The following MPC1 variants were observed in gnomAD, a reference collection of about 807,000 sequenced individuals.
MPC1 encodes the protein HSPC040 protein.
Under a neutral mutation model 13.9 loss-of-function variants are expected in MPC1, and 6 were observed. That is an observed-to-expected ratio of 0.43 (90% CI 0.24 to 0.85). The LOEUF (loss-of-function observed/expected upper bound fraction) is 0.85. Ranked by LOEUF, MPC1 falls within the 40% of genes least tolerant of loss-of-function variation. MPC1 has a pLI of 0.24. For missense variants in MPC1, 115 were observed against 143.3 expected, an observed-to-expected ratio of 0.80 and a Z score of 1.01; for synonymous variants, 47 against 50.5, an observed-to-expected ratio of 0.93 and a Z score of 0.29.
At chr6:166,374,080 G>T (rs540349502) in intron 1 of MPC1, among the ~76,000 whole-genome samples, 1 of 151,852 alleles carries the variant, frequency 6.6e-6, no homozygotes, top group Non-Finnish European at 1.5e-5. Context: ...TCTGCCTCCC[G>T]GGTTCAAGTG....
At chr6:166,380,469 T>C (rs1356169916) in intron 1 of MPC1, among the ~76,000 whole-genome samples, 1 of 152,158 alleles carries the variant, frequency 6.6e-6, no homozygotes, top group African/African-American at 2.4e-5. Flanking sequence ...CTGGAGAAAG[T>C]ATAAAAATTT....
intron 2 of MPC1, among the ~76,000 whole-genome samples, chr6:166,368,253 A>C (rs1297760881): frequency 1.3e-5 from 2 of 152,172 alleles, no homozygotes; most frequent in Non-Finnish European, 2.9e-5. Flanking sequence ...TGGAGGAAAT[A>C]TTTCTTTGAA....
chr6:166,369,560 A>C (rs999688394), intron 2 of MPC1: 1 of 162,660 alleles, frequency 6.1e-6, no homozygotes, highest in Non-Finnish European at 1.4e-5. Flanking sequence ...AAAGGTAAAA[A>C]TCATTTTAAC....
At chr6:166,368,121 G>A (rs569427907) in intron 2 of MPC1, among the ~76,000 whole-genome samples, 79 of 152,274 alleles carry the variant, frequency 5.2e-4, no homozygotes, top group Non-Finnish European at 1.0e-3. Flanking sequence ...TTCTGGGCTG[G>A]CTAATTAGTT....
chr6:166,378,525 T>G (rs1011089150), intron 1 of MPC1, among the ~76,000 whole-genome samples: 2 of 152,008 alleles, frequency 1.3e-5, no homozygotes, highest in Non-Finnish European at 2.9e-5. Flanking sequence ...CTTGATTGAG[T>G]TAATCATTAA....
At chr6:166,376,980 A>G (rs6922344) in intron 1 of MPC1, among the ~76,000 whole-genome samples, 3,222 of 152,030 alleles carry the variant, frequency 0.021, 117 homozygotes, top group African/African-American at 0.072. Context: ...TTGTATTACT[A>G]TTTACCATAT....
chr6:166,365,465 CA>C lies in MPC1; in HGVS notation c.306-13del. 1 of 1,569,858 alleles carries C rather than the reference CA, an allele frequency of 6.4e-7. No individual in the cohort carries two copies. On this transcript the variant is annotated splice_polypyrimidine_tract_variant and intron_variant, in intron 4 of 4. Transcript: ENST00000360961. This position sits in a 1 kb window ranked among gnomAD's most constrained non-coding sequence, Gnocchi z 4.2. Reference sequence around the variant, plus strand: ...CCGTTTTAGTCATCCTGGAAAGAAACAAAAAGAAAAATTCAATGAGAAACAA... The same window carrying C: ...CCGTTTTAGTCATCCTGGAAAGAAACAAAAGAAAAATTCAATGAGAAACAA...
In MPC1 at chr6:166,365,830, G is replaced by A; in HGVS notation, c.305+144C>T. 10 of 1,082,260 alleles carry A rather than the reference G, an allele frequency of 9.2e-6. No homozygotes were observed. Among genetic ancestry groups the A allele is most frequent in the Non-Finnish European group, 1.3e-5 (10 of 782,940 alleles). 67.0% of individuals were successfully genotyped at this position (1,082,260 alleles called of 1,614,324 possible). A position where few individuals can be genotyped will look rare whatever the true frequency, so the allele number is the denominator to read the frequency against. On this transcript the variant is annotated intron_variant, in intron 4 of 4. Transcript: ENST00000360961. The surrounding 1 kb of genome is among the most constrained non-coding windows in gnomAD (Gnocchi z 4.2). ...ATCCTAGTTCATGTTAACTTTCATGGTTTAGTAAGTTGTTTCCCCAACTGC... is the reference window on the plus strand; with the variant it reads ...ATCCTAGTTCATGTTAACTTTCATGATTTAGTAAGTTGTTTCCCCAACTGC...
chr6:166,374,830 C>G (rs533715816), intron 1 of MPC1, among the ~76,000 whole-genome samples: 1 of 152,278 alleles, frequency 6.6e-6, no homozygotes, highest in African/African-American at 2.4e-5. Flanking sequence ...ACCACGCTGT[C>G]TGGATTACTG....
intron 1 of MPC1, among the ~76,000 whole-genome samples, chr6:166,382,280 G>A (rs3778437): frequency 0.072 from 10,237 of 141,852 alleles, 676 homozygotes; most frequent in East Asian, 0.36. Flanking sequence ...GAGGAGCGCC[G>A]TCGCTTTCGT....
chr6:166,370,451 T>C (rs1199931712), intron 1 of MPC1: 2 of 513,868 alleles, frequency 3.9e-6, no homozygotes, highest in East Asian at 3.3e-5. Context: ...CTTAGTTTTA[T>C]GGAAAATAAG....
rs1192621061 is a variant in MPC1, at chr6:166,365,258, G to A, written c.*171C>T. The A allele has an allele frequency of 6.3e-6, 3 of 473,854 alleles. No homozygotes were observed. Among genetic ancestry groups the A allele is most frequent in the Non-Finnish European group, 1.1e-5 (3 of 278,834 alleles). 29.4% of individuals were successfully genotyped at this position (473,854 alleles called of 1,614,324 possible). ...GAAGTAAAATATTTAATACTTGTAA[G>A]GCAGCAGAGAGTTGGTTTAGAAACT... On this transcript the variant is annotated 3_prime_UTR_variant, in exon 5 of 5. Coordinates refer to ENST00000360961, the MANE Select transcript of MPC1 (RefSeq NM_016098.4). The surrounding 1 kb of genome is among the most constrained non-coding windows in gnomAD (Gnocchi z 4.2).
At chr6:166,366,954 T>C (rs774608175) in intron 2 of MPC1, 63 bp from the exon 3 acceptor site, 5 of 1,610,662 alleles carry the variant, frequency 3.1e-6, no homozygotes, top group Non-Finnish European at 4.2e-6. Context: ...TATAAACAGC[T>C]GAAATTTCCC....
At chr6:166,381,790 C>T (rs1435064391) in intron 1 of MPC1, 18 of 981,094 alleles carry the variant, frequency 1.8e-5, no homozygotes, top group Non-Finnish European at 2.1e-5. Flanking sequence ...CTTAGAGACA[C>T]GTCACTTTAC....
At chr6:166,378,811 A>G (rs1220424064) in intron 1 of MPC1, among the ~76,000 whole-genome samples, 2 of 152,226 alleles carry the variant, frequency 1.3e-5, no homozygotes, top group Non-Finnish European at 2.9e-5. Flanking sequence ...TAAACATGCA[A>G]TATTAGTTAC....
chr6:166,368,557 G>GA (rs11370568), intron 2 of MPC1, among the ~76,000 whole-genome samples: 81,513 of 114,116 alleles, frequency 0.71, 28,981 homozygotes, highest in East Asian at 0.94. Context: ...CCGTCTCAGG[G>GA]AAAAAAAAAA....
At chr6:166,370,123 CTCT>C (rs1305855856) in intron 2 of MPC1, 92 bp downstream of exon 2, 1 of 777,844 alleles carries the variant, frequency 1.3e-6, no homozygotes, top group South Asian at 1.4e-5. Flanking sequence ...GCTAGAAAGG[CTCT>C]CATATGCAAA....
At chr6:166,376,168 GTGTGTGTGTGTA>G (rs1330219268) in intron 1 of MPC1, among the ~76,000 whole-genome samples, 1 of 23,556 alleles carries the variant, frequency 4.2e-5, no homozygotes, top group Non-Finnish European at 1.8e-4. Flanking sequence ...GTGTGTGTGT[GTGTGTGTGTGTA>G]TATATATATA....
chr6:166,373,232 T>C (rs1779445191), intron 1 of MPC1, among the ~76,000 whole-genome samples: 1 of 152,206 alleles, frequency 6.6e-6, no homozygotes, highest in African/African-American at 2.4e-5. Flanking sequence ...GAACATACGA[T>C]GCCACGCGTC....
Sources: allele counts gnomAD v4.1 joint callset (sites outside exome capture counted in the v4.1 genomes callset), GRCh38; gene constraint gnomAD v4.1.1; non-coding constraint Gnocchi (gnomAD v3.1); transcripts MANE v1.5; gene names NCBI Gene and HGNC (gene_info 2026-07-23, HGNC 2026-07-21).